DRP2: variants seen among roughly 807,000 people sequenced by gnomAD.
DRP2 encodes the protein dystrophin-related protein 2.
DRP2 carries 29 observed loss-of-function variants against 78.2 expected under a neutral mutation model. The observed-to-expected ratio is 0.37, with a 90% CI of 0.28 to 0.51. DRP2 has a LOEUF of 0.51. Among genes scored for constraint, DRP2 ranks in the 20% least tolerant of loss-of-function variants. The pLI is 0.94. For synonymous variants in DRP2, 290 were observed against 281.9 expected, an observed-to-expected ratio of 1.03 and a Z score of -0.29; for missense variants, 686 against 770.6, an observed-to-expected ratio of 0.89 and a Z score of 1.30.
Position 101,252,704 on chromosome X carries a change from G to A in DRP2, c.1965G>A (p.Glu655=), listed in dbSNP as rs1255830576. 3.3e-6 allele frequency: 4 copies of A among 1,209,904 alleles called. No homozygotes were observed. In the South Asian group the frequency reaches 7.0e-5, roughly 21 times the overall value. ...ATAAGCTGCACTACCCCATCATGGA[G>A]TATTACACACCGGTATGAAGCCTCC... ...KGNKLHYPIM[E]YYTPTTSSEN... The change falls in exon 17 of 24, where the codon GAG becomes GAA. Residue 655 remains glutamate (E), a synonymous_variant. Transcript: ENST00000395209.
intron 13 of DRP2, 41 bp downstream of exon 13, chrX:101,248,331 A>C (rs780543811): frequency 1.7e-6 from 2 of 1,177,069 alleles, no homozygotes; most frequent in East Asian, 5.9e-5. Flanking sequence ...GATAAAATTC[A>C]ATGGGATATC....
chrX:101,237,623 C>A lies in DRP2; in HGVS notation c.286C>A (p.Arg96Ser). 9.0e-7 allele frequency: 1 copy of A among 1,106,663 alleles called. No homozygotes were observed. Among genetic ancestry groups the A allele is most frequent in the South Asian group, 2.6e-5 (1 of 38,336 alleles). The allele number at this position is 1,106,663 out of a possible 1,213,427, so 91.2% of individuals were successfully genotyped here. The change falls in exon 5 of 24, where the codon CGC becomes AGC. Residue 96 changes from arginine to serine, a missense_variant. Physicochemically the swap from Arg to Ser is moderately radical, Grantham distance 110. This residue lies in a region of DRP2 where 263 missense variants were observed against 239.1 expected (regional missense o/e 1.10). Coordinates refer to ENST00000395209, the MANE Select transcript of DRP2 (RefSeq NM_001939.3). Reference sequence around the variant, plus strand: ...GGTTTTACTCATTGTGTGCAGCGCTCGCCTAGAGGCCTTCTCAGACCACAG... The same window carrying A: ...GGTTTTACTCATTGTGTGCAGCGCTAGCCTAGAGGCCTTCTCAGACCACAG... ...IKKKSHNLRARLEAFSDHSGK... is the reference protein window; with the variant it reads ...IKKKSHNLRASLEAFSDHSGK...
rs773451637 is a variant in DRP2, at chrX:101,254,433, C to T, written c.1986C>T (p.Ser662=). 4.1e-6 allele frequency: 5 copies of T among 1,211,763 alleles called. No homozygotes were observed. In the East Asian group the frequency reaches 1.5e-4, roughly 36 times the overall value. ...PIMEYYTPTT[S]SENMRDFATT... ...CCCTGTCTCCTCCTCAGACCACATC[C>T]AGTGAGAACATGAGGGACTTTGCCA... Residue 662 remains serine, a synonymous_variant, in exon 18 of 24, where the codon TCC becomes TCT. Coordinates refer to ENST00000395209, the MANE Select transcript of DRP2 (RefSeq NM_001939.3).
intron 2 of DRP2, among the ~76,000 whole-genome samples, chrX:101,226,729 C>G (rs1214562677): frequency 9.0e-6 from 1 of 111,588 alleles, no homozygotes; most frequent in Non-Finnish European, 1.9e-5. Flanking sequence ...TCAAAATCTT[C>G]TCTTTCACCT....
Position 101,235,886 on chromosome X carries a change from A to C in DRP2, c.144A>C (p.Ala48=). The change falls in exon 4 of 24, where the codon GCA becomes GCC. Residue 48 remains alanine (A), a synonymous_variant. Coordinates refer to ENST00000395209, the MANE Select transcript of DRP2 (RefSeq NM_001939.3). The part of the protein sequence containing the change: ...PQVRAAVTSP[A]PPQDGAGVPC... Reference sequence around the variant, plus strand: ...TTAGAGCTGCTGTCACCAGCCCTGCACCTCCTCAAGATGGTGCTGGGGTTC... The same window carrying C: ...TTAGAGCTGCTGTCACCAGCCCTGCCCCTCCTCAAGATGGTGCTGGGGTTC... 1 of 1,210,318 alleles carries C rather than the reference A, an allele frequency of 8.3e-7. No homozygotes were observed. The highest frequency in any genetic ancestry group is 3.0e-5 in the East Asian group (1 of 33,799).
intron 3 of DRP2, among the ~76,000 whole-genome samples, chrX:101,232,164 C>T (rs891569625): frequency 4.5e-5 from 5 of 111,194 alleles, no homozygotes; most frequent in African/African-American, 1.3e-4. Context: ...CTCCTGCCAT[C>T]GGCTTTTCCT....
chrX:101,230,513 C>G (rs1220110208), intron 2 of DRP2, among the ~76,000 whole-genome samples: 1 of 110,542 alleles, frequency 9.0e-6, no homozygotes, highest in Admixed American at 9.7e-5. Flanking sequence ...GCAACAAGAG[C>G]GAGACTCCCG....
chrX:101,236,804 G>A (rs1426824858), intron 4 of DRP2, among the ~76,000 whole-genome samples: 2 of 112,002 alleles, frequency 1.8e-5, no homozygotes, highest in Non-Finnish European at 3.8e-5. Flanking sequence ...TGGGCAATAG[G>A]AATGCCTACT....
At chrX:101,242,009 C>G in intron 7 of DRP2, 73 bp downstream of exon 7, 1 of 1,078,379 alleles carries the variant, frequency 9.3e-7, no homozygotes, top group East Asian at 3.3e-5. Flanking sequence ...GACAATGTTT[C>G]TGCTGCTGAG....
intron 21 of DRP2, among the ~76,000 whole-genome samples, chrX:101,256,669 G>A (rs985489775): frequency 2.8e-5 from 3 of 106,316 alleles, no homozygotes; most frequent in South Asian, 4.3e-4. Flanking sequence ...ATGCCTTAGC[G>A]TCCCGAGTAG....
Position 101,232,298 on chromosome X carries a change from G to C in DRP2, c.117+534G>C, listed in dbSNP as rs189874493. Among the ~76,000 whole-genome samples, 68 of 111,578 alleles carry C rather than the reference G, an allele frequency of 6.1e-4. 1 individual carries two copies. Among genetic ancestry groups the C allele is most frequent in the South Asian group, 2.3e-3 (6 of 2,581 alleles). ...ATGGTGGTGGTGTATGTGTCCGCCT[G>C]TGTATGTTGGTAGGCAGGTAGAGGA... On this transcript the variant is annotated intron_variant, in intron 3 of 23. Transcript: ENST00000395209.
rs1021184191 is a variant in DRP2 at position 101,261,112 on chromosome X, C to T, written c.*491C>T. ...AAGGGTATCCCCGAGACACCTTCCC[C>T]ACCCCAAGTGCCCCTGAAAAAGTCT... is the stretch of plus-strand genomic sequence containing the variant. On this transcript the variant is annotated 3_prime_UTR_variant, in exon 24 of 24. Coordinates refer to ENST00000395209, the MANE Select transcript of DRP2 (RefSeq NM_001939.3). 1 of 112,755 alleles carries T rather than the reference C, an allele frequency of 8.9e-6. No individual in the cohort carries two copies. Among genetic ancestry groups the T allele is most frequent in the Admixed American group, 9.4e-5 (1 of 10,602 alleles). 9.3% of individuals were successfully genotyped at this position (112,755 alleles called of 1,213,427 possible).
chrX:101,228,821 G>A (rs1922206150), intron 2 of DRP2, among the ~76,000 whole-genome samples: 1 of 110,841 alleles, frequency 9.0e-6, no homozygotes. Context: ...GAGGCAGGAA[G>A]ATCTCTTGAG....
At chrX:101,243,468 T>A (rs188005551) in intron 9 of DRP2, among the ~76,000 whole-genome samples, 43 of 105,075 alleles carry the variant, frequency 4.1e-4, no homozygotes, top group African/African-American at 1.4e-3. Context: ...CACCTCAACC[T>A]AATAACTGTG....
intron 21 of DRP2, among the ~76,000 whole-genome samples, chrX:101,256,679 G>A (rs1216965879): frequency 9.5e-6 from 1 of 105,636 alleles, no homozygotes; most frequent in African/African-American, 3.5e-5. Flanking sequence ...GTCCCGAGTA[G>A]CTGGGACTAC....
chrX:101,235,100 C>T (rs1380133911), intron 3 of DRP2, among the ~76,000 whole-genome samples: 2 of 111,048 alleles, frequency 1.8e-5, no homozygotes, highest in East Asian at 5.7e-4. Context: ...CCACCATTCC[C>T]CCAAACCCCA....
rs746027161 is a variant in DRP2 at position 101,260,399 on chromosome X, G to A, written c.2750-98G>A. On this transcript the variant is annotated intron_variant, in intron 23 of 23. Coordinates refer to ENST00000395209, the MANE Select transcript of DRP2 (RefSeq NM_001939.3). ...TGTGCTGGGAAGATGCAAATGCTGC[G>A]GGCAGGTCTGCCCTTCAGCTGGCAG... The A allele has an allele frequency of 2.4e-4, 258 of 1,072,839 alleles. 1 individual carries two copies. Among genetic ancestry groups the A allele is most frequent in the Non-Finnish European group, 3.1e-4 (244 of 795,002 alleles). The allele number at this position is 1,072,839 out of a possible 1,213,427, so 88.4% of individuals were successfully genotyped here. A position where few individuals can be genotyped will look rare whatever the true frequency, so the allele number is the denominator to read the frequency against.
At chrX:101,228,754 A>C (rs1922203634) in intron 2 of DRP2, among the ~76,000 whole-genome samples, 1 of 111,390 alleles carries the variant, frequency 9.0e-6, no homozygotes, top group African/African-American at 3.3e-5. Context: ...CCAAAAATAC[A>C]AAAAATTATC....
chrX:101,257,822 GT>G (rs1292878227), intron 21 of DRP2, among the ~76,000 whole-genome samples: 2 of 111,418 alleles, frequency 1.8e-5, no homozygotes, highest in South Asian at 7.6e-4. Flanking sequence ...TTTGGAATTT[GT>G]TTTTTTGATG....
Sources: allele counts gnomAD v4.1 joint callset (sites outside exome capture counted in the v4.1 genomes callset), GRCh38; gene constraint gnomAD v4.1.1; regional missense constraint gnomAD v4.1.1; transcripts MANE v1.5; gene names NCBI Gene and HGNC (gene_info 2026-07-23, HGNC 2026-07-21).